Variants in NRDE2 observed in about 807,000 individuals in gnomAD.
NRDE2 encodes NRDE-2, necessary for RNA interference, domain containing.
In NRDE2, 76 loss-of-function variants were observed where a neutral mutation model predicts 124.2. The ratio of observed to expected loss-of-function variants is 0.61; its 90% confidence interval spans 0.51 to 0.74. The LOEUF is 0.74. Among genes scored for constraint, NRDE2 ranks in the 30% least tolerant of loss-of-function variants. NRDE2 has a pLI of 0.00. For synonymous variants in NRDE2, 489 were observed against 528.1 expected, an observed-to-expected ratio of 0.93 and a Z score of 1.01; for missense variants, 1,314 against 1,417.3, an observed-to-expected ratio of 0.93 and a Z score of 1.17.
chr14:90,268,137 C>A lies in NRDE2; in HGVS notation c.*10199G>T. 1 of 1,125,758 alleles carries A rather than the reference C, an allele frequency of 8.9e-7. No homozygotes were observed. Among genetic ancestry groups the A allele is most frequent in the Non-Finnish European group, 1.2e-6 (1 of 817,702 alleles). 69.7% of individuals were successfully genotyped at this position (1,125,758 alleles called of 1,614,324 possible). On this transcript the variant is annotated 3_prime_UTR_variant, in exon 14 of 14. Coordinates refer to ENST00000354366, the MANE Select transcript of NRDE2 (RefSeq NM_017970.4). ...ATGAGGGCCCGCCTGTTTTTGGTGT[C>A]CATTTAAGGTGGTAATGATACGAGT...
intron 1 of NRDE2, among the ~76,000 whole-genome samples, chr14:90,331,087 T>C (rs1885678959): frequency 6.6e-6 from 1 of 151,886 alleles, no homozygotes; most frequent in African/African-American, 2.4e-5. Flanking sequence ...CCACCACGCC[T>C]GGCTTTTTTT....
chr14:90,281,828 G>A (rs970909574), intron 12 of NRDE2, among the ~76,000 whole-genome samples: 1 of 152,142 alleles, frequency 6.6e-6, no homozygotes, highest in Admixed American at 6.5e-5. Flanking sequence ...CTCCCTCCAT[G>A]TGCTCCTGAG....
intron 11 of NRDE2, 117 bp from the exon 12 acceptor site, chr14:90,286,609 G>A: frequency 7.6e-7 from 1 of 1,310,838 alleles, no homozygotes; most frequent in African/African-American, 1.5e-5. Context: ...CAGACTCAGG[G>A]GAGAACTGTC....
chr14:90,269,886 CAG>C lies in NRDE2; in HGVS notation c.*8448_*8449del, dbSNP rs1047591763. 10 of 373,476 alleles carry C rather than the reference CAG, an allele frequency of 2.7e-5. 1 individual carries two copies. The South Asian group carries it at 3.1e-4, about 11-fold the overall frequency. 23.1% of individuals were successfully genotyped at this position (373,476 alleles called of 1,614,324 possible). A position where few individuals can be genotyped will look rare whatever the true frequency, so the allele number is the denominator to read the frequency against. On this transcript the variant is annotated 3_prime_UTR_variant, in exon 14 of 14. Coordinates refer to ENST00000354366, the MANE Select transcript of NRDE2 (RefSeq NM_017970.4). ...TACATTCAGGTAGCATCAGAAGAAA[CAG>C]TGATTTGTTTGCTGTCTTTTGTAAT... is the stretch of plus-strand genomic sequence containing the variant.
chr14:90,297,034 G>C (rs1041349635), intron 8 of NRDE2, among the ~76,000 whole-genome samples: 1 of 151,696 alleles, frequency 6.6e-6, no homozygotes. Context: ...AGCTACTTGG[G>C]AGGCTGAGGC....
chr14:90,319,662 T>A (rs1885173720), intron 1 of NRDE2, among the ~76,000 whole-genome samples: 1 of 152,250 alleles, frequency 6.6e-6, no homozygotes, highest in Non-Finnish European at 1.5e-5. Flanking sequence ...TGTGTATCAC[T>A]ACCTCATTCG....
chr14:90,284,331 G>A (rs1040955728), intron 12 of NRDE2, among the ~76,000 whole-genome samples: 1 of 151,662 alleles, frequency 6.6e-6, no homozygotes, highest in Non-Finnish European at 1.5e-5. Flanking sequence ...GAGTAAGGAG[G>A]TCACTTTGTT....
rs1191811496 is a variant in NRDE2, at chr14:90,275,394, TC to T, written c.*2941del. 6.6e-6 allele frequency: 1 copy of T among 152,128 alleles called. No homozygotes were observed. Among genetic ancestry groups the T allele is most frequent in the Non-Finnish European group, 1.5e-5 (1 of 68,038 alleles). 9.4% of individuals were successfully genotyped at this position (152,128 alleles called of 1,614,324 possible). ...TTCTTTGTAACGCACTTGCATCTTTTCCTAAGTTTGAGATTAAAAAAAACAA... is the reference window on the plus strand; with the variant it reads ...TTCTTTGTAACGCACTTGCATCTTTTCTAAGTTTGAGATTAAAAAAAACAA... On this transcript the variant is annotated 3_prime_UTR_variant, in exon 14 of 14. Coordinates refer to ENST00000354366, the MANE Select transcript of NRDE2 (RefSeq NM_017970.4).
At chr14:90,311,613 T>C (rs1884841148) in intron 4 of NRDE2, among the ~76,000 whole-genome samples, 1 of 152,232 alleles carries the variant, frequency 6.6e-6, no homozygotes, top group South Asian at 2.1e-4. Context: ...ATTAAAATTC[T>C]TTTTCTTTAT....
intron 4 of NRDE2, among the ~76,000 whole-genome samples, chr14:90,308,741 A>G (rs1270672113): frequency 6.6e-6 from 1 of 152,214 alleles, no homozygotes; most frequent in African/African-American, 2.4e-5. Flanking sequence ...AGCTTTGTCA[A>G]TAACAGAACA....
At chr14:90,326,354 C>T (rs1019951753) in intron 1 of NRDE2, among the ~76,000 whole-genome samples, 30 of 151,658 alleles carry the variant, frequency 2.0e-4, no homozygotes, top group African/African-American at 6.8e-4. Flanking sequence ...ATTAGCCGGG[C>T]GCGGTGGCGG....
At chr14:90,279,156 C>CA (rs775673760) in intron 12 of NRDE2, 23 bp from the exon 13 acceptor site, 7 of 1,565,242 alleles carry the variant, frequency 4.5e-6, no homozygotes, top group East Asian at 2.2e-5. Context: ...GGAGAAAATA[C>CA]AAACATGATT....
intron 4 of NRDE2, among the ~76,000 whole-genome samples, chr14:90,305,700 C>G (rs1186084901): frequency 6.6e-6 from 1 of 152,182 alleles, no homozygotes; most frequent in Non-Finnish European, 1.5e-5. Context: ...TATAATTCCA[C>G]TTACATGCAT....
chr14:90,286,292 CT>C, intron 12 of NRDE2, 61 bp downstream of exon 12: 1 of 1,539,618 alleles, frequency 6.5e-7, no homozygotes, highest in Non-Finnish European at 8.8e-7. Flanking sequence ...TAAATACCTT[CT>C]CATTTATGAA....
In NRDE2 at chr14:90,268,489, T is replaced by G. The variant is rs1891576148; in HGVS notation, c.*9847A>C. 5.0e-6 allele frequency: 7 copies of G among 1,399,094 alleles called. No individual in the cohort carries two copies. In the Admixed American group the frequency reaches 9.1e-5, roughly 18 times the overall value. 86.7% of individuals were successfully genotyped at this position (1,399,094 alleles called of 1,614,324 possible). A position where few individuals can be genotyped will look rare whatever the true frequency, so the allele number is the denominator to read the frequency against. On this transcript the variant is annotated 3_prime_UTR_variant, in exon 14 of 14. Transcript: ENST00000354366. ...GCTCTTCTCTTGAGAATGAGCAATC[T>G]CAGGGGGCTCTCCCTATGGCCACAG...
intron 8 of NRDE2, among the ~76,000 whole-genome samples, chr14:90,295,890 T>C (rs1471549873): frequency 6.6e-6 from 1 of 152,216 alleles, no homozygotes; most frequent in African/African-American, 2.4e-5. Context: ...ATAATGGAAA[T>C]GTGTGAGAAG....
rs201603043 is a variant in NRDE2, at chr14:90,298,365, G to T, written c.1561C>A (p.Pro521Thr). 8 of 1,613,722 alleles carry T rather than the reference G, an allele frequency of 5.0e-6. No homozygotes were observed. The Admixed American group carries it at 8.3e-5, about 17-fold the overall frequency. ...PTKGQVEFFEPFWDSGEPRAG... is the reference protein window; with the variant it reads ...PTKGQVEFFETFWDSGEPRAG... ...CGGGGCTCTCCACTGTCCCAAAAGG[G>T]TTCAAAGAATTCCACCTGTTCAGAT... The change falls in exon 8 of 14, where the codon CCC becomes ACC. Residue 521 changes from proline to threonine, a missense_variant. Coordinates refer to ENST00000354366, the MANE Select transcript of NRDE2 (RefSeq NM_017970.4).
intron 7 of NRDE2, among the ~76,000 whole-genome samples, chr14:90,299,652 C>T (rs922145371): frequency 1.3e-5 from 2 of 152,232 alleles, no homozygotes; most frequent in Middle Eastern, 3.4e-3. Flanking sequence ...ATGCCACACA[C>T]GCCTGGAGGA....
Position 90,298,340 on chromosome 14 carries a change from CG to C in NRDE2, c.1585del (p.Arg529GlyfsTer41). The C allele has an allele frequency of 6.2e-7, 1 of 1,613,754 alleles. No individual in the cohort carries two copies. The highest frequency in any genetic ancestry group is 8.5e-7 in the Non-Finnish European group (1 of 1,179,974). Reference protein sequence around the residue: ...FEPFWDSGEPRAGEKGARGWK... With the variant: ...FEPFWDSGEPXAGEKGARGWK... ...GCCTCGGGCTCCCTTCTCCCCAGCC[CG>C]GGGCTCTCCACTGTCCCAAAAGGGT... On this transcript the variant is annotated frameshift_variant, in exon 8 of 14. Transcript: ENST00000354366. LOFTEE classifies it high-confidence loss of function.
Sources: allele counts gnomAD v4.1 joint callset (sites outside exome capture counted in the v4.1 genomes callset), GRCh38; gene constraint gnomAD v4.1.1; transcripts MANE v1.5; gene names NCBI Gene and HGNC (gene_info 2026-07-23, HGNC 2026-07-21).